MPPED2: variants seen among roughly 807,000 people sequenced by gnomAD.
MPPED2 encodes the protein metallophosphoesterase domain containing 2.
Under a neutral mutation model 33.0 loss-of-function variants are expected in MPPED2, and 5 were observed. That is an observed-to-expected ratio of 0.15 (90% confidence interval 0.08 to 0.32). The LOEUF (loss-of-function observed/expected upper bound fraction) is 0.32. Ranked by LOEUF, MPPED2 falls within the 10% of genes least tolerant of loss-of-function variation. The pLI, the probability that MPPED2 is intolerant of heterozygous loss-of-function variation, is 1.00. For synonymous variants in MPPED2, 136 were observed against 141.9 expected, an observed-to-expected ratio of 0.96 and a Z score of 0.29; for missense variants, 275 against 372.1, an observed-to-expected ratio of 0.74 and a Z score of 2.15.
chr11:30,421,345 T>G (rs1948602159), intron 4 of MPPED2, among the ~76,000 whole-genome samples: 1 of 152,186 alleles, frequency 6.6e-6, no homozygotes, highest in African/African-American at 2.4e-5. Flanking sequence ...ACCCAAAATT[T>G]CATTTGGTTA....
chr11:30,585,415 G>A (rs1957417137), intron 1 of MPPED2, among the ~76,000 whole-genome samples: 1 of 152,058 alleles, frequency 6.6e-6, no homozygotes, highest in South Asian at 2.1e-4. Flanking sequence ...GCGGGGCGCA[G>A]CCGGAGCACA....
At chr11:30,414,162 C>T (rs891992306) in intron 6 of MPPED2, 66 bp downstream of exon 6, 1 of 1,105,548 alleles carries the variant, frequency 9.0e-7, no homozygotes, top group Non-Finnish European at 1.4e-6. Context: ...CCACTTATTC[C>T]TAGTTGTAGA....
At chr11:30,578,401 A>C (rs1957023294) in intron 2 of MPPED2, among the ~76,000 whole-genome samples, 1 of 152,192 alleles carries the variant, frequency 6.6e-6, no homozygotes, top group Admixed American at 6.5e-5. Flanking sequence ...AAAGCACTAC[A>C]CAGCTGTCTA....
chr11:30,423,314 A>G (rs541063754), intron 4 of MPPED2, among the ~76,000 whole-genome samples: 2 of 152,296 alleles, frequency 1.3e-5, no homozygotes, highest in East Asian at 3.9e-4. Flanking sequence ...AACGTCCACA[A>G]ATTTTCAATG....
chr11:30,480,567 C>T lies in MPPED2; in HGVS notation c.536+14729G>A, dbSNP rs550579874. Among the ~76,000 whole-genome samples the T allele has an allele frequency of 3.3e-5, 5 of 152,246 alleles. No homozygotes were observed. In the South Asian group the frequency reaches 8.3e-4, roughly 25 times the overall value. ...CTGAAGCACTTATTAAACTATCTCA[C>T]AGGACTAAATTTATCACTGATGACA... On this transcript the variant is annotated intron_variant, in intron 4 of 6. Coordinates refer to ENST00000358117, the MANE Select transcript of MPPED2 (RefSeq NM_001584.3).
intron 3 of MPPED2, among the ~76,000 whole-genome samples, chr11:30,525,611 C>T (rs1309678115): frequency 2.0e-5 from 3 of 152,122 alleles, no homozygotes; most frequent in Non-Finnish European, 4.4e-5. Context: ...AAGGCTGGAA[C>T]ACAGAGTCAA....
At chr11:30,498,847 A>T (rs1952422638) in intron 3 of MPPED2, among the ~76,000 whole-genome samples, 1 of 152,216 alleles carries the variant, frequency 6.6e-6, no homozygotes, top group Non-Finnish European at 1.5e-5. Context: ...AGGGACAATA[A>T]AGTGACAATG....
intron 2 of MPPED2, among the ~76,000 whole-genome samples, chr11:30,558,032 A>T (rs1956064341): frequency 6.6e-6 from 1 of 152,172 alleles, no homozygotes; most frequent in Non-Finnish European, 1.5e-5. Flanking sequence ...TGTGCCCATG[A>T]CCTGGCTCCA....
intron 2 of MPPED2, among the ~76,000 whole-genome samples, chr11:30,551,128 T>C (rs116290352): frequency 6.6e-6 from 1 of 152,156 alleles, no homozygotes; most frequent in African/African-American, 2.4e-5. Flanking sequence ...TCATGGCCAA[T>C]GTTAGCAGCA....
intron 3 of MPPED2, among the ~76,000 whole-genome samples, chr11:30,532,077 C>A (rs1475634503): frequency 6.6e-6 from 1 of 152,200 alleles, no homozygotes; most frequent in Admixed American, 6.5e-5. Flanking sequence ...CTAATAATAC[C>A]TACTTCACAA....
At chr11:30,568,444 C>T (rs1408759051) in intron 2 of MPPED2, among the ~76,000 whole-genome samples, 1 of 152,136 alleles carries the variant, frequency 6.6e-6, no homozygotes, top group Non-Finnish European at 1.5e-5. Context: ...ATGGTTCCTG[C>T]AGCCTGTGGT....
At chr11:30,505,880 C>T (rs940167347) in intron 3 of MPPED2, among the ~76,000 whole-genome samples, 1 of 152,028 alleles carries the variant, frequency 6.6e-6, no homozygotes, top group African/African-American at 2.4e-5. Context: ...ACTCAGACTC[C>T]AAACACATAA....
intron 3 of MPPED2, among the ~76,000 whole-genome samples, chr11:30,504,455 T>A (rs1390323319): frequency 1.3e-5 from 2 of 152,140 alleles, no homozygotes; most frequent in African/African-American, 4.8e-5. Context: ...AAGGCCTGAG[T>A]CCAGCCTGGA....
chr11:30,581,678 C>G (rs1957175011), intron 1 of MPPED2, among the ~76,000 whole-genome samples: 2 of 152,184 alleles, frequency 1.3e-5, no homozygotes, highest in Non-Finnish European at 2.9e-5. Flanking sequence ...AGGCAGATGG[C>G]CTGCCATAGG....
At chr11:30,424,683 C>A (rs1948753305) in intron 4 of MPPED2, among the ~76,000 whole-genome samples, 1 of 152,148 alleles carries the variant, frequency 6.6e-6, no homozygotes, top group Non-Finnish European at 1.5e-5. Context: ...CCCCTCCCTG[C>A]CTCGTTTTCC....
intron 2 of MPPED2, among the ~76,000 whole-genome samples, chr11:30,555,658 C>T (rs1955931073): frequency 6.6e-6 from 1 of 152,184 alleles, no homozygotes; most frequent in Admixed American, 6.5e-5. Flanking sequence ...CCATGTAAGA[C>T]ATGACTTTGC....
intron 2 of MPPED2, among the ~76,000 whole-genome samples, chr11:30,550,536 C>A (rs1246661309): frequency 6.6e-6 from 1 of 152,130 alleles, no homozygotes; most frequent in African/African-American, 2.4e-5. Flanking sequence ...ATTTAGGAAG[C>A]AGGTAATTTT....
chr11:30,410,588 G>T lies in MPPED2; in HGVS notation c.*880C>A, dbSNP rs1403674599. On this transcript the variant is annotated 3_prime_UTR_variant, in exon 7 of 7. Coordinates refer to ENST00000358117, the MANE Select transcript of MPPED2 (RefSeq NM_001584.3). ...TAACTCAAGCTCTTTAAGACCTTGA[G>T]CTCTGAGAGAATGTGTCAGTTCCTT... is the stretch of plus-strand genomic sequence containing the variant. 1.0e-6 allele frequency: 1 copy of T among 985,624 alleles called. No homozygotes were observed. Among genetic ancestry groups the T allele is most frequent in the African/African-American group, 1.7e-5 (1 of 57,228 alleles). 61.1% of individuals were successfully genotyped at this position (985,624 alleles called of 1,614,324 possible).
At chr11:30,470,379 CAT>C (rs1268610096) in intron 4 of MPPED2, among the ~76,000 whole-genome samples, 3 of 151,972 alleles carry the variant, frequency 2.0e-5, no homozygotes, top group Non-Finnish European at 2.9e-5. Flanking sequence ...AATACTCAAA[CAT>C]ATAGAGACAA....
Sources: gnomAD v4.1 joint callset for allele counts (sites outside exome capture counted in the v4.1 genomes callset) on GRCh38, gnomAD v4.1.1 for gene constraint, MANE v1.5 for transcripts, NCBI Gene and HGNC (gene_info 2026-07-23, HGNC 2026-07-21) for gene names.